LAMA1: variants seen among roughly 807,000 people sequenced by gnomAD.
LAMA1 encodes the protein laminin subunit alpha-1.
LAMA1 carries 219 observed loss-of-function variants against 348.7 expected under a neutral mutation model. That is an observed-to-expected ratio of 0.63 (90% confidence interval 0.56 to 0.70). The LOEUF (loss-of-function observed/expected upper bound fraction) is 0.70. Ranked by LOEUF, LAMA1 falls within the 30% of genes least tolerant of loss-of-function variation. LAMA1 has a pLI of 0.00. For synonymous variants in LAMA1, 1,487 were observed against 1,491.0 expected (o/e 1.00, Z 0.06); for missense variants, 3,744 against 3,888.0 (o/e 0.96, Z 0.99).
Position 7,080,335 on chromosome 18 carries a change from G to A in LAMA1, c.184C>T (p.Arg62Ter), listed in dbSNP as rs758223206. ...TCACAGATCCGGCACTGTGGGTTTC[G>A]GACGGGCCGACCTGGCACATGCTCC... ...LVEHVPGRPV[R>*]NPQCRICDGN... Residue 62 changes from arginine (R) to a stop codon, truncating the protein, a stop_gained, in exon 2 of 63, where the codon CGA (arginine) becomes TGA (stop). Transcript: ENST00000389658. LOFTEE classifies it high-confidence loss of function. The A allele has an allele frequency of 3.7e-6, 6 of 1,614,220 alleles. No homozygotes were observed. The highest frequency in any genetic ancestry group is 2.2e-5 in the East Asian group (1 of 44,882).
At chr18:6,959,605 T>G in intron 53 of LAMA1, 113 bp from the exon 54 acceptor site, 1 of 1,072,202 alleles carries the variant, frequency 9.3e-7, no homozygotes, top group African/African-American at 1.6e-5. Context: ...AGTAGAGCAA[T>G]TCCTTAAGAA....
At chr18:7,098,292 GTC>G (rs1685735201) in intron 1 of LAMA1, among the ~76,000 whole-genome samples, 1 of 151,400 alleles carries the variant, frequency 6.6e-6, no homozygotes, top group Non-Finnish European at 1.5e-5. Flanking sequence ...AGTGAGGAGT[GTC>G]TCTGCCTGGC....
At chr18:6,949,315 A>G (rs1043275795) in intron 58 of LAMA1, 56 bp from the exon 59 acceptor site, 4 of 1,539,128 alleles carry the variant, frequency 2.6e-6, no homozygotes, top group African/African-American at 1.4e-5. Flanking sequence ...AACTTTTAAC[A>G]GATGTATAAA....
chr18:6,956,650 G>A lies in LAMA1; in HGVS notation c.8080C>T (p.Pro2694Ser), dbSNP rs759687114. The change falls in exon 56 of 63, where the codon CCC (proline) becomes TCC (serine). Residue 2694 changes from proline (P) to serine (S), a missense_variant. By Grantham distance (74) the Pro-to-Ser change is moderately conservative. Coordinates refer to ENST00000389658, the MANE Select transcript of LAMA1 (RefSeq NM_005559.4). ...DAEDSKLLPEPRAFPEQCVVD... is the reference protein window; with the variant it reads ...DAEDSKLLPESRAFPEQCVVD... ...GCCGCTCCTACTGGAAAAGCCCGGG[G>A]CTCTGGCAAGAGCTTGCTGTCCTCT... 11 of 1,614,036 alleles carry A rather than the reference G, an allele frequency of 6.8e-6. No homozygotes were observed. The Admixed American group carries it at 1.0e-4, about 15-fold the overall frequency.
intron 47 of LAMA1, among the ~76,000 whole-genome samples, chr18:6,972,831 C>T (rs1374954756): frequency 6.6e-6 from 1 of 152,184 alleles, no homozygotes; most frequent in African/African-American, 2.4e-5. Flanking sequence ...GCTGGGATTA[C>T]AGGCATGTGC....
At chr18:7,052,221 G>A (rs2058064753) in intron 3 of LAMA1, among the ~76,000 whole-genome samples, 1 of 151,812 alleles carries the variant, frequency 6.6e-6, no homozygotes, top group South Asian at 2.1e-4. Context: ...CTGAGCCCAG[G>A]AGTTTGAGAA....
At chr18:6,945,877 C>A (rs1347803890) in intron 61 of LAMA1, among the ~76,000 whole-genome samples, 2 of 152,116 alleles carry the variant, frequency 1.3e-5, no homozygotes. Context: ...CAGCTGCTGT[C>A]CACTAGAGAG....
chr18:7,107,780 T>C (rs28507948), intron 1 of LAMA1, among the ~76,000 whole-genome samples: 40,775 of 150,816 alleles, frequency 0.27, 10,424 homozygotes, highest in African/African-American at 0.68. Flanking sequence ...TTTGGGAGGC[T>C]GAGGCGGGCA....
At chr18:7,046,493 A>G (rs1325037446) in intron 5 of LAMA1, 126 bp from the exon 6 acceptor site, 6 of 588,500 alleles carry the variant, frequency 1.0e-5, no homozygotes, top group Admixed American at 9.9e-5. Context: ...ATATAATTAC[A>G]TGTACATTTA....
intron 1 of LAMA1, among the ~76,000 whole-genome samples, chr18:7,107,820 C>T (rs555519016): frequency 9.2e-5 from 14 of 151,518 alleles, no homozygotes; most frequent in African/African-American, 2.7e-4. Flanking sequence ...TGAGACCGTC[C>T]TGGCTACCAT....
rs368041323 is a variant in LAMA1 at position 6,966,228 on chromosome 18, C to T, written c.6969G>A (p.Pro2323=). ...SGYSVVEKSL[P]ATVTQIIMLF... ...GCATGATTATCTGGGTCACGGTAGC[C>T]GGAAGTGACTTCTCCACGACAGAGT... Residue 2323 remains proline (P), a synonymous_variant, in exon 49 of 63, where the codon CCG becomes CCA. Transcript: ENST00000389658. 77 of 1,613,758 alleles carry T rather than the reference C, an allele frequency of 4.8e-5. No individual in the cohort carries two copies. Among genetic ancestry groups the T allele is most frequent in the Non-Finnish European group, 5.9e-5 (70 of 1,179,956 alleles).
chr18:7,024,787 ATGCTTCCTCCAGGAGGCCTGCTCGG>A (rs2057935062), intron 17 of LAMA1, among the ~76,000 whole-genome samples: 1 of 152,130 alleles, frequency 6.6e-6, no homozygotes, highest in African/African-American at 2.4e-5. Context: ...AACTCAGCTG[ATGCTTCCTCCAGGAGGCCTGCTCGG>A]GTGCTCCTAG....
intron 56 of LAMA1, 55 bp from the exon 57 acceptor site, chr18:6,955,520 A>G (rs769886539): frequency 7.7e-7 from 1 of 1,301,512 alleles, no homozygotes; most frequent in Non-Finnish European, 1.1e-6. Flanking sequence ...AACCCCACTG[A>G]CACACGCGTG....
chr18:7,071,599 C>T (rs186392945), intron 3 of LAMA1, among the ~76,000 whole-genome samples: 9 of 152,302 alleles, frequency 5.9e-5, no homozygotes, highest in Middle Eastern at 3.4e-3. Flanking sequence ...ATGCGTAAGC[C>T]ATATAGAAAC....
Position 6,942,162 on chromosome 18 carries a change from G to A in LAMA1, c.9145C>T (p.Pro3049Ser). The A allele has an allele frequency of 6.2e-7, 1 of 1,614,136 alleles. No homozygotes were observed. Among genetic ancestry groups the A allele is most frequent in the Non-Finnish European group, 8.5e-7 (1 of 1,180,032 alleles). ...CTGAAGTCAAAGGACTGCACCTGCGGGCTCTTAATCAGAGCTAGCTTCCTC... is the reference window on the plus strand; with the variant it reads ...CTGAAGTCAAAGGACTGCACCTGCGAGCTCTTAATCAGAGCTAGCTTCCTC... ...CLRKLALIKS[P>S]QVQSFDFSRA... Residue 3049 changes from proline (P) to serine (S), a missense_variant, in exon 63 of 63, where the codon CCG (proline) becomes TCG (serine). Pro to Ser is a moderately conservative substitution (Grantham distance 74). Transcript: ENST00000389658.
In LAMA1 at chr18:6,961,926, T is replaced by C. The variant is rs900344247; in HGVS notation, c.7452+19A>G. The C allele has an allele frequency of 3.8e-6, 6 of 1,596,906 alleles. No homozygotes were observed. The African/African-American group carries it at 5.4e-5, about 14-fold the overall frequency. On this transcript the variant is annotated intron_variant, in intron 52 of 62. Coordinates refer to ENST00000389658, the MANE Select transcript of LAMA1 (RefSeq NM_005559.4). ...CACTTATGGAAACTCATTTGAACAT[T>C]AATAACAATGTTTCCTACCTCCAGT...
At chr18:7,018,991 ACTTG>A (rs1765986396) in intron 19 of LAMA1, among the ~76,000 whole-genome samples, 1 of 151,986 alleles carries the variant, frequency 6.6e-6, no homozygotes, top group African/African-American at 2.4e-5. Flanking sequence ...CCCTTCAGGG[ACTTG>A]CTCCATCAAC....
At chr18:7,007,335 G>C in intron 28 of LAMA1, 59 bp from the exon 29 acceptor site, 2 of 1,531,768 alleles carry the variant, frequency 1.3e-6, no homozygotes, top group Non-Finnish European at 8.9e-7. Context: ...TGAAGGACTT[G>C]AATAGACACT....
In LAMA1 at chr18:6,964,733, T is replaced by C. The variant is rs751029846; in HGVS notation, c.7266A>G (p.Ala2422=). 3 of 1,614,058 alleles carry C rather than the reference T, an allele frequency of 1.9e-6. No homozygotes were observed. The East Asian group carries it at 6.7e-5, about 36-fold the overall frequency. ...KETKQGETPG[A]SSDLNRLDKD... ...TGTCTAGGCGGTTGAGGTCAGAAGATGCTCCCGGAGTCTCGCCCTGCTTGG... is the reference window on the plus strand; with the variant it reads ...TGTCTAGGCGGTTGAGGTCAGAAGACGCTCCCGGAGTCTCGCCCTGCTTGG... Residue 2422 remains alanine, a synonymous_variant, in exon 51 of 63, where the codon GCA becomes GCG. Coordinates refer to ENST00000389658, the MANE Select transcript of LAMA1 (RefSeq NM_005559.4).
Sources: allele counts gnomAD v4.1 joint callset (sites outside exome capture counted in the v4.1 genomes callset), GRCh38; gene constraint gnomAD v4.1.1; transcripts MANE v1.5; gene names NCBI Gene and HGNC (gene_info 2026-07-23, HGNC 2026-07-21).